The following NTNG1 variants were observed in gnomAD, a reference collection of about 807,000 sequenced individuals.
The protein encoded by NTNG1 is netrin-G1.
A neutral mutation model predicts 54.0 loss-of-function variants in NTNG1; 16 were observed. The ratio of observed to expected loss-of-function variants is 0.30; its 90% CI spans 0.20 to 0.45. NTNG1 has a LOEUF of 0.45. Among genes scored for constraint, NTNG1 ranks in the 20% least tolerant of loss-of-function variants. NTNG1 has a pLI of 1.00. For missense variants in NTNG1, 530 were observed against 678.7 expected, an observed-to-expected ratio of 0.78 and a Z score of 2.43; for synonymous variants, 255 against 263.1, an observed-to-expected ratio of 0.97 and a Z score of 0.30.
chr1:107,480,788 C>CGCT lies in NTNG1; in HGVS notation c.1579_1581dup (p.Leu527dup), dbSNP rs763775324. 1.8e-5 allele frequency: 28 copies of CGCT among 1,595,638 alleles called. No individual in the cohort carries two copies. The South Asian group carries it at 2.6e-4, about 15-fold the overall frequency. On this transcript the variant is annotated inframe_insertion, in exon 8 of 8. Coordinates refer to ENST00000370068, the MANE Select transcript of NTNG1 (RefSeq NM_001113226.3). ...GGCGCGCCCCCGCACGGCTCCCCAG[C>CGCT]GCTGCTGCTGCTGACCACGCTGCTG...
intron 3 of NTNG1, among the ~76,000 whole-genome samples, chr1:107,380,677 A>C (rs541784489): frequency 3.9e-4 from 60 of 152,068 alleles, no homozygotes; most frequent in African/African-American, 1.4e-3. Context: ...GAATTAGATA[A>C]TTTTTTCCAG....
chr1:107,174,453 T>G (rs1445802807), intron 2 of NTNG1, among the ~76,000 whole-genome samples: 1 of 152,094 alleles, frequency 6.6e-6, no homozygotes, highest in Non-Finnish European at 1.5e-5. Flanking sequence ...GCCCTGATCC[T>G]TTTTGAAAGT....
intron 2 of NTNG1, among the ~76,000 whole-genome samples, chr1:107,268,269 C>T (rs956644320): frequency 7.9e-5 from 12 of 152,160 alleles, no homozygotes; most frequent in African/African-American, 1.7e-4. Context: ...CCATTCCTTT[C>T]CTAACCACTC....
At chr1:107,254,139 A>C (rs1662785693) in intron 2 of NTNG1, among the ~76,000 whole-genome samples, 1 of 152,186 alleles carries the variant, frequency 6.6e-6, no homozygotes, top group Non-Finnish European at 1.5e-5. Context: ...TGCTCCAGTA[A>C]AGCTGTAAAA....
At chr1:107,453,351 A>C (rs1676737594) in intron 7 of NTNG1, among the ~76,000 whole-genome samples, 1 of 152,168 alleles carries the variant, frequency 6.6e-6, no homozygotes, top group Non-Finnish European at 1.5e-5. Flanking sequence ...TAGGATATGG[A>C]TTTTCATCTA....
intron 4 of NTNG1, among the ~76,000 whole-genome samples, chr1:107,399,185 T>G (rs933968233): frequency 6.6e-6 from 1 of 152,180 alleles, no homozygotes; most frequent in Non-Finnish European, 1.5e-5. Flanking sequence ...CAACCTATTT[T>G]ACCCAATGTT....
intron 2 of NTNG1, among the ~76,000 whole-genome samples, chr1:107,228,503 A>G (rs1660835589): frequency 6.6e-6 from 1 of 152,196 alleles, no homozygotes; most frequent in Non-Finnish European, 1.5e-5. Context: ...GTTAAAGTTT[A>G]TTCCAGAGTC....
intron 7 of NTNG1, among the ~76,000 whole-genome samples, chr1:107,474,248 G>A (rs978773280): frequency 1.3e-5 from 2 of 152,158 alleles, no homozygotes; most frequent in Non-Finnish European, 2.9e-5. Flanking sequence ...AGAGAGTTGG[G>A]ACATGCTTAA....
intron 2 of NTNG1, among the ~76,000 whole-genome samples, chr1:107,183,330 T>C (rs528118898): frequency 6.6e-6 from 1 of 152,184 alleles, no homozygotes; most frequent in Non-Finnish European, 1.5e-5. Context: ...TAGCCCTCAT[T>C]TGCATTTAGA....
At chr1:107,373,435 C>A (rs1570792928) in intron 3 of NTNG1, among the ~76,000 whole-genome samples, 1 of 151,820 alleles carries the variant, frequency 6.6e-6, no homozygotes, top group Non-Finnish European at 1.5e-5. Flanking sequence ...ATCTAATATA[C>A]CTCACAATAT....
At chr1:107,160,681 C>A (rs1655339418) in intron 2 of NTNG1, among the ~76,000 whole-genome samples, 1 of 152,250 alleles carries the variant, frequency 6.6e-6, no homozygotes. Flanking sequence ...AACTTCCTAT[C>A]TAATCTGGCT....
chr1:107,317,785 T>C (rs966414539), intron 2 of NTNG1, among the ~76,000 whole-genome samples: 4 of 152,174 alleles, frequency 2.6e-5, no homozygotes, highest in African/African-American at 4.8e-5. Flanking sequence ...AGGGAGCAGA[T>C]TGAAACAAGC....
intron 2 of NTNG1, among the ~76,000 whole-genome samples, chr1:107,263,056 C>T (rs1170125249): frequency 6.6e-6 from 1 of 152,136 alleles, no homozygotes; most frequent in African/African-American, 2.4e-5. Flanking sequence ...GCAAACAATT[C>T]TGATAAAAGA....
chr1:107,263,272 GCTTCCTTC>G (rs58443542), intron 2 of NTNG1, among the ~76,000 whole-genome samples: 55,015 of 146,004 alleles, frequency 0.38, 11,099 homozygotes, highest in South Asian at 0.52. Context: ...AGGTTAGCTT[GCTTCCTTC>G]CTTCCTTCCT....
At chr1:107,314,431 A>G (rs1302251004) in intron 2 of NTNG1, among the ~76,000 whole-genome samples, 1 of 151,282 alleles carries the variant, frequency 6.6e-6, no homozygotes, top group Non-Finnish European at 1.5e-5. Context: ...AAATAAATAA[A>G]TAAATAAATA....
chr1:107,198,356 T>A (rs768453245), intron 2 of NTNG1, among the ~76,000 whole-genome samples: 1 of 151,944 alleles, frequency 6.6e-6, no homozygotes, highest in Non-Finnish European at 1.5e-5. Flanking sequence ...AGGTGGATAG[T>A]GAGTACATGA....
At chr1:107,172,478 A>C (rs777320526) in intron 2 of NTNG1, among the ~76,000 whole-genome samples, 3 of 152,200 alleles carry the variant, frequency 2.0e-5, no homozygotes, top group Non-Finnish European at 4.4e-5. Flanking sequence ...AAATCCGTCC[A>C]AAGTCCCACA....
intron 5 of NTNG1, among the ~76,000 whole-genome samples, chr1:107,427,318 G>A (rs771776398): frequency 7.2e-5 from 11 of 151,990 alleles, no homozygotes; most frequent in Admixed American, 1.3e-4. Context: ...ATAAGGATTG[G>A]ACTATGGATA....
chr1:107,370,052 C>G (rs1257396660), intron 3 of NTNG1, among the ~76,000 whole-genome samples: 5 of 151,862 alleles, frequency 3.3e-5, no homozygotes, highest in Non-Finnish European at 7.4e-5. Flanking sequence ...TGGCCTATTT[C>G]TGGATGCTAT....
Sources: gnomAD v4.1 joint callset for allele counts (sites outside exome capture counted in the v4.1 genomes callset) on GRCh38, gnomAD v4.1.1 for gene constraint, MANE v1.5 for transcripts, NCBI Gene and HGNC (gene_info 2026-07-23, HGNC 2026-07-21) for gene names.